TRPM1: variants seen among roughly 807,000 people sequenced by gnomAD.
TRPM1 encodes the protein transient receptor potential cation channel subfamily M member 1.
A neutral mutation model predicts 149.4 loss-of-function variants in TRPM1; 113 were observed. The observed-to-expected ratio is 0.76, with a 90% CI of 0.65 to 0.88. TRPM1 has a LOEUF of 0.88. Among genes scored for constraint, TRPM1 ranks in the 40% least tolerant of loss-of-function variants. TRPM1 has a pLI of 0.00. For synonymous variants in TRPM1, 741 were observed against 759.5 expected, an observed-to-expected ratio of 0.98 and a Z score of 0.40; for missense variants, 1,976 against 2,038.7, an observed-to-expected ratio of 0.97 and a Z score of 0.59.
Position 31,063,261 on chromosome 15 carries a change from G to C in TRPM1, c.822C>G (p.Leu274=), listed in dbSNP as rs527784977. ...CCACGTTAGGGCCCCCCTCCACCAC[G>C]AGACCCACGAGGGGCACGCCCTGCC... ...RLGQGVPLVG[L]VVEGGPNVVS... is the part of the protein sequence containing the mutation. The change falls in exon 8 of 28, where the codon CTC becomes CTG. Residue 274 remains leucine (L), a synonymous_variant. Coordinates refer to ENST00000256552, the MANE Select transcript of TRPM1 (RefSeq NM_001252024.2). 1 of 1,613,914 alleles carries C rather than the reference G, an allele frequency of 6.2e-7. No individual in the cohort carries two copies. The highest frequency in any genetic ancestry group is 8.5e-7 in the Non-Finnish European group (1 of 1,180,016).
At chr15:31,056,728 T>C (rs1007940187) in intron 11 of TRPM1, among the ~76,000 whole-genome samples, 32 of 152,266 alleles carry the variant, frequency 2.1e-4, no homozygotes, top group African/African-American at 7.2e-4. Context: ...CTTGAGAGAT[T>C]TGTTTTAAGA....
intron 15 of TRPM1, among the ~76,000 whole-genome samples, chr15:31,046,754 T>C (rs2033775261): frequency 6.6e-6 from 1 of 152,172 alleles, no homozygotes; most frequent in South Asian, 2.1e-4. Flanking sequence ...AGTGAGGAGC[T>C]CTGGGAGGCT....
intron 3 of TRPM1, among the ~76,000 whole-genome samples, chr15:31,071,713 C>T (rs2034543837): frequency 6.6e-6 from 1 of 151,714 alleles, no homozygotes; most frequent in Non-Finnish European, 1.5e-5. Flanking sequence ...CCTGTAATCC[C>T]AACACTTTGA....
In TRPM1 at chr15:31,067,203, G is replaced by T; in HGVS notation, c.494-16C>A. 1 of 1,614,044 alleles carries T rather than the reference G, an allele frequency of 6.2e-7. No individual in the cohort carries two copies. Among genetic ancestry groups the T allele is most frequent in the Non-Finnish European group, 8.5e-7 (1 of 1,180,002 alleles). On this transcript the variant is annotated splice_polypyrimidine_tract_variant and intron_variant, in intron 5 of 27. Transcript: ENST00000256552. ...CTGATAACACCTGTGAGCAGCCATT[G>T]GTCATATTTTAGGCTCTTTTACTTC...
intron 14 of TRPM1, 73 bp from the exon 15 acceptor site, chr15:31,047,324 G>T (rs2033804833): frequency 2.5e-6 from 4 of 1,571,880 alleles, no homozygotes; most frequent in Non-Finnish European, 3.5e-6. Context: ...CGTCTAGGGG[G>T]TAAGTGGCTG....
At chr15:31,091,301 T>C (rs1015805731) in intron 1 of TRPM1, among the ~76,000 whole-genome samples, 2 of 152,202 alleles carry the variant, frequency 1.3e-5, no homozygotes, top group African/African-American at 4.8e-5. Context: ...AAATCTTGGT[T>C]TGTGTTTTTC....
chr15:31,016,973 A>G (rs920530986), intron 27 of TRPM1, among the ~76,000 whole-genome samples: 1 of 133,354 alleles, frequency 7.5e-6, no homozygotes, highest in Admixed American at 7.3e-5. Context: ...ACACACACAC[A>G]CACACACACA....
chr15:31,125,185 A>G (rs1032395801), intron 1 of TRPM1, among the ~76,000 whole-genome samples: 3 of 101,554 alleles, frequency 3.0e-5, no homozygotes, highest in Non-Finnish European at 6.1e-5. Context: ...CTCAAAAAAC[A>G]AAACAAAACA....
chr15:31,040,022 A>G lies in TRPM1; in HGVS notation c.2316+96T>C, dbSNP rs776524330. 6 of 1,074,638 alleles carry G rather than the reference A, an allele frequency of 5.6e-6. No homozygotes were observed. Among genetic ancestry groups the G allele is most frequent in the Admixed American group, 1.8e-5 (1 of 54,730 alleles). 66.6% of individuals were successfully genotyped at this position (1,074,638 alleles called of 1,614,324 possible). The stretch of plus-strand genomic sequence containing the variant: ...CTCCCTCAGGGGGTTGCTAGAAGGA[A>G]TAAATGAAATAAGCCACAGAAAGTG... On this transcript the variant is annotated intron_variant, in intron 18 of 27. Coordinates refer to ENST00000256552, the MANE Select transcript of TRPM1 (RefSeq NM_001252024.2). This position sits in a 1 kb window ranked among gnomAD's most constrained non-coding sequence, Gnocchi z 4.2.
rs771175558 is a variant in TRPM1 at position 31,001,979 on chromosome 15, C to CT, written c.4720dup (p.Ser1574LysfsTer7). 12 of 1,614,012 alleles carry CT rather than the reference C, an allele frequency of 7.4e-6. No homozygotes were observed. In the Admixed American group the frequency reaches 1.7e-4, roughly 22 times the overall value. On this transcript the variant is annotated frameshift_variant, in exon 28 of 28. Coordinates refer to ENST00000256552, the MANE Select transcript of TRPM1 (RefSeq NM_001252024.2). LOFTEE classifies it low-confidence loss of function (END_TRUNC). The stretch of plus-strand genomic sequence containing the variant: ...CACATTCCTAGGATGTCCATGTAAA[C>CT]TTTTTGACCTGAGAGATGGGAATCC...
chr15:31,033,305 T>C (rs2033183806), intron 21 of TRPM1, among the ~76,000 whole-genome samples: 1 of 152,214 alleles, frequency 6.6e-6, no homozygotes, highest in Admixed American at 6.5e-5. Flanking sequence ...GAGCCCCACG[T>C]GGCCCCACAG....
chr15:31,038,306 G>A, intron 18 of TRPM1, 140 bp from the exon 19 acceptor site: 1 of 967,110 alleles, frequency 1.0e-6, no homozygotes, highest in East Asian at 2.6e-5. Context: ...CTGACGTTCT[G>A]TGACATGTGC....
chr15:31,099,835 T>C (rs1486183307), intron 1 of TRPM1, among the ~76,000 whole-genome samples: 1 of 152,186 alleles, frequency 6.6e-6, no homozygotes, highest in African/African-American at 2.4e-5. Flanking sequence ...AAACTGCTGC[T>C]GGATAGTTCA....
intron 11 of TRPM1, among the ~76,000 whole-genome samples, chr15:31,052,917 C>T (rs898712940): frequency 4.6e-5 from 7 of 152,212 alleles, no homozygotes; most frequent in Admixed American, 1.3e-4. Context: ...ATAACAAATC[C>T]GATGGACTTT....
rs376705938 is a variant in TRPM1, at chr15:31,037,768, G to A, written c.2514C>T (p.Ile838=). The A allele has an allele frequency of 5.3e-5, 86 of 1,614,030 alleles. No individual in the cohort carries two copies. Among genetic ancestry groups the A allele is most frequent in the Non-Finnish European group, 6.6e-5 (78 of 1,180,036 alleles). Residue 838 remains isoleucine (I), a synonymous_variant, in exon 20 of 28, where the codon ATC becomes ATT. Coordinates refer to ENST00000256552, the MANE Select transcript of TRPM1 (RefSeq NM_001252024.2). ...TATAGAATTCACAGATCTTTGTTCC[G>A]ATGGGAATACTTCTCTGTTTTTTGT... ...NEHKKQRSIP[I]GTKICEFYNA...
intron 1 of TRPM1, among the ~76,000 whole-genome samples, chr15:31,099,533 T>A (rs965171231): frequency 2.0e-5 from 3 of 152,208 alleles, no homozygotes; most frequent in Non-Finnish European, 2.9e-5. Context: ...TCTGTTTTGT[T>A]TTCACTTAGT....
intron 27 of TRPM1, among the ~76,000 whole-genome samples, chr15:31,024,155 G>A (rs189589835): frequency 1.1e-3 from 172 of 152,238 alleles, no homozygotes; most frequent in African/African-American, 3.8e-3. Context: ...TAGTGCTGGC[G>A]AAGACACGAC....
chr15:31,126,707 T>C (rs1261601417), intron 1 of TRPM1, among the ~76,000 whole-genome samples: 5 of 152,166 alleles, frequency 3.3e-5, no homozygotes, highest in Non-Finnish European at 4.4e-5. Flanking sequence ...CTCAAGCCTG[T>C]AATCCCAGCA....
At chr15:31,149,818 C>G (rs1263796471) in intron 1 of TRPM1, among the ~76,000 whole-genome samples, 1 of 152,228 alleles carries the variant, frequency 6.6e-6, no homozygotes, top group Non-Finnish European at 1.5e-5. Context: ...GGCGCCAGGC[C>G]GTGCATCTTT....
Sources: gnomAD v4.1 joint callset for allele counts (sites outside exome capture counted in the v4.1 genomes callset) on GRCh38, gnomAD v4.1.1 for gene constraint, Gnocchi (gnomAD v3.1) non-coding constraint, MANE v1.5 for transcripts, NCBI Gene and HGNC (gene_info 2026-07-23, HGNC 2026-07-21) for gene names.